Variants in PLCE1 observed in about 807,000 individuals in gnomAD.
PLCE1 encodes phospholipase C epsilon 1.
PLCE1 carries 119 observed loss-of-function variants against 242.8 expected under a neutral mutation model. The ratio of observed to expected loss-of-function variants is 0.49; its 90% confidence interval spans 0.42 to 0.57. PLCE1 has a LOEUF of 0.57. Ranked by LOEUF, PLCE1 falls within the 20% of genes least tolerant of loss-of-function variation. PLCE1 has a pLI of 0.00. For synonymous variants in PLCE1, 945 were observed against 1,017.4 expected (o/e 0.93, Z 1.35); for missense variants, 2,441 against 2,788.8 (o/e 0.88, Z 2.81).
In PLCE1 at chr10:94,298,789, A is replaced by T; in HGVS notation, c.5458+120A>T. The stretch of plus-strand genomic sequence containing the variant: ...TGGGGCACACCATATGTGAGAGTAA[A>T]AATATGATGATGGAAAACAGAAGTG... On this transcript the variant is annotated intron_variant, in intron 24 of 32. Transcript: ENST00000371380. The surrounding 1 kb of genome is among the most constrained non-coding windows in gnomAD (Gnocchi z 5.2). 1.0e-6 allele frequency: 1 copy of T among 980,530 alleles called. No homozygotes were observed. Among genetic ancestry groups the T allele is most frequent in the Non-Finnish European group, 1.6e-6 (1 of 616,360 alleles). The allele number at this position is 980,530 out of a possible 1,614,324, so 60.7% of individuals were successfully genotyped here. A position where few individuals can be genotyped will look rare whatever the true frequency, so the allele number is the denominator to read the frequency against.
intron 4 of PLCE1, among the ~76,000 whole-genome samples, chr10:94,194,931 CA>C (rs2048772666): frequency 6.6e-6 from 1 of 151,944 alleles, no homozygotes; most frequent in African/African-American, 2.4e-5. Flanking sequence ...TAGAGGCTAC[CA>C]AGAAGTTTGG....
chr10:94,259,285 ATT>A (rs369272321), intron 13 of PLCE1, 135 bp downstream of exon 13: 6,098 of 709,832 alleles, frequency 8.6e-3, no homozygotes, highest in East Asian at 0.011. Context: ...ACTTAAGAGA[ATT>A]TTTTTTTTTT....
At chr10:94,088,220 G>A (rs1368582734) in intron 2 of PLCE1, 3 of 152,202 alleles carry the variant, frequency 2.0e-5, no homozygotes, top group African/African-American at 7.2e-5. Context: ...TTGTTGTGAA[G>A]GTTAAATGAG....
At chr10:94,252,163 A>T (rs1156441569) in intron 8 of PLCE1, among the ~76,000 whole-genome samples, 153 bp from the exon 9 acceptor site, 1 of 152,204 alleles carries the variant, frequency 6.6e-6, no homozygotes, top group Non-Finnish European at 1.5e-5. Context: ...GAATCTTGTG[A>T]GTTAGAAAAC....
intron 2 of PLCE1, chr10:94,105,419 C>T (rs910921612): frequency 6.6e-6 from 1 of 152,200 alleles, no homozygotes; most frequent in African/African-American, 2.4e-5. Context: ...GGCCTGTACT[C>T]GCTTTGTGTA....
chr10:94,033,191 C>A (rs1026616676), intron 2 of PLCE1, among the ~76,000 whole-genome samples: 4 of 151,898 alleles, frequency 2.6e-5, no homozygotes, highest in Non-Finnish European at 1.5e-5. Flanking sequence ...GTTCTGGAAC[C>A]AGTTCCTCTG....
chr10:94,227,936 C>T (rs1182335118), intron 5 of PLCE1, among the ~76,000 whole-genome samples: 1 of 152,226 alleles, frequency 6.6e-6, no homozygotes, highest in Non-Finnish European at 1.5e-5. Flanking sequence ...CAAGTATGAG[C>T]TATGCACATT....
chr10:93,994,231 G>C lies in PLCE1; in HGVS notation c.-392G>C, dbSNP rs2060775231. Among the ~76,000 whole-genome samples, 1 of 152,326 alleles carries C rather than the reference G, an allele frequency of 6.6e-6. No homozygotes were observed. Among genetic ancestry groups the C allele is most frequent in the Admixed American group, 6.5e-5 (1 of 15,310 alleles). ...CCAGAGGGACGCTGCGCTTGGGGAC[G>C]CCGGCGAGACTCGCCAGGAGCCAAG... On this transcript the variant is annotated 5_prime_UTR_variant, in exon 1 of 33. Coordinates refer to ENST00000371380, the MANE Select transcript of PLCE1 (RefSeq NM_016341.4).
intron 2 of PLCE1, among the ~76,000 whole-genome samples, chr10:94,036,317 G>A (rs1478776935): frequency 1.3e-5 from 2 of 152,058 alleles, no homozygotes; most frequent in African/African-American, 2.4e-5. Context: ...TGTTTACAGT[G>A]GTATGAATTT....
At chr10:94,102,042 G>A (rs1223170557) in intron 2 of PLCE1, among the ~76,000 whole-genome samples, 1 of 152,184 alleles carries the variant, frequency 6.6e-6, no homozygotes, top group Non-Finnish European at 1.5e-5. Flanking sequence ...CTGAGAAAGG[G>A]GGGCAAATGG....
intron 4 of PLCE1, among the ~76,000 whole-genome samples, chr10:94,198,855 C>CTCCTTACA (rs1425068521): frequency 1.3e-5 from 2 of 152,110 alleles, no homozygotes; most frequent in Admixed American, 6.5e-5. Flanking sequence ...TGAGACCAAC[C>CTCCTTACA]TGGGCAAATC....
chr10:94,265,159 C>T (rs567701345), intron 14 of PLCE1, among the ~76,000 whole-genome samples: 14 of 152,304 alleles, frequency 9.2e-5, no homozygotes, highest in Non-Finnish European at 4.4e-5. Context: ...CCCTTATCAC[C>T]TGACTGGGTA....
chr10:94,158,902 G>T (rs1590148637), intron 3 of PLCE1, among the ~76,000 whole-genome samples: 1 of 130,412 alleles, frequency 7.7e-6, no homozygotes, highest in East Asian at 2.5e-4. Flanking sequence ...TGTTGCCCAG[G>T]CTGGAGTGCA....
chr10:94,187,411 A>G (rs2048516902), intron 4 of PLCE1, among the ~76,000 whole-genome samples: 1 of 152,162 alleles, frequency 6.6e-6, no homozygotes, highest in Non-Finnish European at 1.5e-5. Context: ...GAAAGCAATG[A>G]TAAGTAAGTT....
intron 2 of PLCE1, among the ~76,000 whole-genome samples, chr10:94,077,756 G>A (rs2044547710): frequency 6.6e-6 from 1 of 152,214 alleles, no homozygotes; most frequent in East Asian, 1.9e-4. Context: ...GACAGAGCAA[G>A]ACACTGTTTC....
chr10:94,152,959 G>T (rs577171547), intron 3 of PLCE1, among the ~76,000 whole-genome samples: 2 of 152,188 alleles, frequency 1.3e-5, no homozygotes, highest in South Asian at 4.1e-4. Context: ...TATCATCAAA[G>T]GTTGAAAATG....
At chr10:94,176,754 G>A (rs567578697) in intron 4 of PLCE1, among the ~76,000 whole-genome samples, 6 of 152,242 alleles carry the variant, frequency 3.9e-5, no homozygotes, top group African/African-American at 1.4e-4. Context: ...ATGCACTAAG[G>A]AAAGTAAATA....
At chr10:94,254,579 C>A (rs1020120162) in intron 10 of PLCE1, among the ~76,000 whole-genome samples, 6 of 152,164 alleles carry the variant, frequency 3.9e-5, no homozygotes, top group Non-Finnish European at 1.5e-5. Flanking sequence ...ACCTTGGCTG[C>A]ATATTAGAGC....
chr10:94,031,932 T>TTTTTGAGCCA lies in PLCE1; in HGVS notation c.894_903dup (p.Asp302ProfsTer3). On this transcript the variant is annotated frameshift_variant, in exon 2 of 33. Transcript: ENST00000371380. LOFTEE classifies it high-confidence loss of function. Reference sequence around the variant, plus strand: ...TACTGACAGTCAAGCTGCCAAGACCTTTTTGAGCCATTTTGAGGACTTCCC... The same window carrying TTTTTGAGCCA: ...TACTGACAGTCAAGCTGCCAAGACCTTTTTGAGCCATTTTGAGCCATTTTGAGGACTTCCC... The TTTTTGAGCCA allele has an allele frequency of 6.2e-7, 1 of 1,613,842 alleles. No individual in the cohort carries two copies. Among genetic ancestry groups the TTTTTGAGCCA allele is most frequent in the Non-Finnish European group, 8.5e-7 (1 of 1,179,794 alleles).
Sources: allele counts gnomAD v4.1 joint callset (sites outside exome capture counted in the v4.1 genomes callset), GRCh38; gene constraint gnomAD v4.1.1; non-coding constraint Gnocchi (gnomAD v3.1); transcripts MANE v1.5; gene names NCBI Gene and HGNC (gene_info 2026-07-23, HGNC 2026-07-21).